The following COL9A3 variants were observed in gnomAD, a reference collection of about 807,000 sequenced individuals.
COL9A3 encodes the protein collagen alpha-3(IX) chain.
COL9A3 carries 82 observed loss-of-function variants against 110.2 expected under a neutral mutation model. That is an observed-to-expected ratio of 0.74 (90% CI 0.62 to 0.89). COL9A3 has a LOEUF of 0.89. COL9A3 is among the 40% of genes least tolerant of loss of function. COL9A3 has a pLI of 0.00. For synonymous variants in COL9A3, 494 were observed against 403.8 expected, an observed-to-expected ratio of 1.22 and a Z score of -2.68; for missense variants, 1,066 against 981.3, an observed-to-expected ratio of 1.09 and a Z score of -1.15.
chr20:62,840,080 C>T (rs1034722834), intron 31 of COL9A3, among the ~76,000 whole-genome samples: 1 of 152,134 alleles, frequency 6.6e-6, no homozygotes, highest in African/African-American at 2.4e-5. Flanking sequence ...ATGCCCGCAC[C>T]ATTCTGGACT....
Position 62,825,564 on chromosome 20 carries a change from G to A in COL9A3, c.631-253G>A, listed in dbSNP as rs1275644688. On this transcript the variant is annotated intron_variant, in intron 12 of 31. Coordinates refer to ENST00000649368, the MANE Select transcript of COL9A3 (RefSeq NM_001853.4). The stretch of plus-strand genomic sequence containing the variant: ...AGGGGTCCCTGCTTGGCCACGAGGA[G>A]GGGCCTGGACAGGGCTGAAGGGCCT... The A allele has an allele frequency of 5.1e-6, 3 of 584,950 alleles. No individual in the cohort carries two copies. In the African/African-American group the frequency reaches 5.6e-5, roughly 11 times the overall value. 36.2% of individuals were successfully genotyped at this position (584,950 alleles called of 1,614,324 possible).
At position 62,819,234 on chromosome 20, in the gene COL9A3, G is replaced by A. The variant is rs757752596; in HGVS notation, c.196G>A (p.Ala66Thr). 1.6e-5 allele frequency: 26 copies of A among 1,612,790 alleles called. No individual in the cohort carries two copies. Among genetic ancestry groups the A allele is most frequent in the Non-Finnish European group, 2.2e-5 (26 of 1,179,960 alleles). The change falls in exon 4 of 32, where the codon GCC becomes ACC. Residue 66 changes from alanine (A) to threonine (T), a missense_variant. Ala to Thr is a moderately conservative substitution (Grantham distance 58). Coordinates refer to ENST00000649368, the MANE Select transcript of COL9A3 (RefSeq NM_001853.4). ...GLPGPPGPKG[A>T]PGKPGKPGEA... ...TCCTCCTGCACAGGGACCAAAGGGG[G>A]CCCCAGGAAAGCCGGGGAAACCAGG...
chr20:62,834,112 A>T (rs1037285376), intron 26 of COL9A3, among the ~76,000 whole-genome samples: 10 of 151,274 alleles, frequency 6.6e-5, no homozygotes, highest in African/African-American at 2.2e-4. Context: ...GACCTCAGGC[A>T]ATCTGCCCGC....
chr20:62,829,711 C>A, intron 21 of COL9A3, 30 bp downstream of exon 21: 1 of 1,601,068 alleles, frequency 6.2e-7, no homozygotes, highest in South Asian at 1.1e-5. Context: ...CAGACCCCTC[C>A]CCATCCAGCC....
At chr20:62,834,738 G>A (rs958568474) in intron 26 of COL9A3, among the ~76,000 whole-genome samples, 6 of 152,044 alleles carry the variant, frequency 3.9e-5, no homozygotes, top group African/African-American at 7.2e-5. Flanking sequence ...TGCCTCCTGC[G>A]TTCAAGCGAT....
In COL9A3 at chr20:62,820,066, C is replaced by T. The variant is rs138676392; in HGVS notation, c.309+84C>T. ...TCTGGCTGCTCTGTGTCCACAAGGC[C>T]AAGGAGCTGGTAGTTCCAAGGACAG... On this transcript the variant is annotated intron_variant, in intron 5 of 31. Coordinates refer to ENST00000649368, the MANE Select transcript of COL9A3 (RefSeq NM_001853.4). 454 of 1,486,410 alleles carry T rather than the reference C, an allele frequency of 3.1e-4. 1 individual carries two copies. In the African/African-American group the frequency reaches 5.5e-3, roughly 18 times the overall value. The allele number at this position is 1,486,410 out of a possible 1,614,324, so 92.1% of individuals were successfully genotyped here. A position where few individuals can be genotyped will look rare whatever the true frequency, so the allele number is the denominator to read the frequency against.
At position 62,826,211 on chromosome 20, in the gene COL9A3, G is replaced by C. The variant is rs756660482; in HGVS notation, c.692G>C (p.Arg231Pro). Residue 231 changes from arginine (R) to proline (P), a missense_variant, in exon 14 of 32, where the codon CGG (arginine) becomes CCG (proline). By Grantham distance (103) the Arg-to-Pro change is moderately radical. Transcript: ENST00000649368. ...LPGSVGLQGP[R>P]GLRGLPGPLG... ...TGTGCCTCTCTCTCGCAGGGCCCCC[G>C]GGGATTACGAGGACTGCCAGGGCCA... The C allele has an allele frequency of 2.6e-6, 4 of 1,561,948 alleles. No individual in the cohort carries two copies. In the East Asian group the frequency reaches 9.5e-5, roughly 37 times the overall value.
chr20:62,826,706 C>A, intron 14 of COL9A3, 61 bp from the exon 15 acceptor site: 2 of 1,592,668 alleles, frequency 1.3e-6, no homozygotes, highest in Non-Finnish European at 1.7e-6. Flanking sequence ...TGAGGGAGCA[C>A]TGGGGGGATG....
chr20:62,817,021 G>A, upstream of COL9A3: 1 of 1,132,950 alleles, frequency 8.8e-7, no homozygotes, highest in East Asian at 4.0e-5. Flanking sequence ...CCGCCCGCCC[G>A]CGCGCCGCCC....
chr20:62,833,116 A>G (rs1419661691), intron 26 of COL9A3, 52 bp downstream of exon 26: 1 of 1,478,304 alleles, frequency 6.8e-7, no homozygotes, highest in Non-Finnish European at 9.5e-7. Flanking sequence ...CGAGGTCGCC[A>G]CTGTGGCTGG....
At chr20:62,817,182 C>T (rs1990956423) in intron 1 of COL9A3, 40 bp downstream of exon 1, 1 of 1,327,042 alleles carries the variant, frequency 7.5e-7, no homozygotes, top group Non-Finnish European at 9.7e-7. Context: ...GACGTGGAGC[C>T]GCGACCGCCC....
intron 5 of COL9A3, among the ~76,000 whole-genome samples, chr20:62,820,652 G>T (rs955043260): frequency 6.6e-6 from 1 of 152,322 alleles, no homozygotes; most frequent in South Asian, 2.1e-4. Context: ...AGCCGAGTCC[G>T]TGGTGCCCAG....
intron 23 of COL9A3, 48 bp downstream of exon 23, chr20:62,830,461 G>A: frequency 6.3e-7 from 1 of 1,586,256 alleles, no homozygotes; most frequent in Non-Finnish European, 8.6e-7. Flanking sequence ...GGCACACCCA[G>A]ACGGGCCAGA....
chr20:62,837,751 G>A (rs1012177547), intron 30 of COL9A3, among the ~76,000 whole-genome samples: 17 of 152,158 alleles, frequency 1.1e-4, no homozygotes, highest in East Asian at 3.9e-4. Context: ...AGGTTGCAGC[G>A]AGCTGAGATC....
intron 26 of COL9A3, among the ~76,000 whole-genome samples, chr20:62,834,179 G>T (rs6011411): frequency 0.42 from 62,963 of 151,556 alleles, 14,430 homozygotes; most frequent in African/African-American, 0.61. Flanking sequence ...TGGCCTAATT[G>T]TTGTATTTTT....
intron 22 of COL9A3, 132 bp from the exon 23 acceptor site, chr20:62,830,228 C>G (rs2063584776): frequency 1.8e-6 from 2 of 1,093,374 alleles, no homozygotes; most frequent in Non-Finnish European, 2.7e-6. Flanking sequence ...TCCCCAGCAA[C>G]CCAGCCAGGT....
At chr20:62,817,250 G>C in intron 1 of COL9A3, 108 bp downstream of exon 1, 1 of 835,438 alleles carries the variant, frequency 1.2e-6, no homozygotes, top group Non-Finnish European at 1.6e-6. Flanking sequence ...CCCAGCCCGT[G>C]TCGCCGTCGG....
intron 5 of COL9A3, 38 bp from the exon 6 acceptor site, chr20:62,821,142 AG>A: frequency 6.2e-6 from 10 of 1,608,940 alleles, no homozygotes; most frequent in Non-Finnish European, 7.6e-6. Context: ...TTGCAAATAG[AG>A]GCCCAGCCCA....
At position 62,840,856 on chromosome 20, in the gene COL9A3, C is replaced by G. The variant is rs1012568361; in HGVS notation, c.*124C>G. On this transcript the variant is annotated 3_prime_UTR_variant, in exon 32 of 32. Coordinates refer to ENST00000649368, the MANE Select transcript of COL9A3 (RefSeq NM_001853.4). ...AGCGCCCCTGGCTGCCCCTCGGCCG[C>G]CGACTGGACGCGCGGGCCTTGCCAG... The G allele has an allele frequency of 2.8e-5, 33 of 1,158,688 alleles. 1 individual carries two copies. Among genetic ancestry groups the G allele is most frequent in the Admixed American group, 4.1e-5 (2 of 48,986 alleles). 71.8% of individuals were successfully genotyped at this position (1,158,688 alleles called of 1,614,324 possible).
Sources: allele counts gnomAD v4.1 joint callset (sites outside exome capture counted in the v4.1 genomes callset), GRCh38; gene constraint gnomAD v4.1.1; transcripts MANE v1.5; gene names NCBI Gene and HGNC (gene_info 2026-07-23, HGNC 2026-07-21).